GALNT1: variants seen among roughly 807,000 people sequenced by gnomAD.
GALNT1 encodes the protein polypeptide N-acetylgalactosaminyltransferase 1, also known as GalNAc transferase 1.
Under a neutral mutation model 65.7 loss-of-function variants are expected in GALNT1, and 17 were observed. The ratio of observed to expected loss-of-function variants is 0.26; its 90% confidence interval spans 0.18 to 0.39. The LOEUF (loss-of-function observed/expected upper bound fraction) is 0.39. GALNT1 is among the 10% of genes least tolerant of loss of function. The pLI, the probability that GALNT1 is intolerant of heterozygous loss-of-function variation, is 1.00. For synonymous variants in GALNT1, 210 were observed against 219.7 expected (o/e 0.96, Z 0.39); for missense variants, 460 against 672.8 (o/e 0.68, Z 3.50).
chr18:35,592,253 G>A (rs2046454159), intron 1 of GALNT1, among the ~76,000 whole-genome samples: 2 of 152,092 alleles, frequency 1.3e-5, no homozygotes, highest in South Asian at 4.2e-4. Context: ...GACTACAATG[G>A]GAACTAAACA....
At chr18:35,597,084 C>G (rs2046514416) in intron 1 of GALNT1, 1 of 152,212 alleles carries the variant, frequency 6.6e-6, no homozygotes, top group African/African-American at 2.4e-5. Context: ...GGCTAGGAAG[C>G]AGAATTGCAG....
In GALNT1 at chr18:35,663,767, A is replaced by C; in HGVS notation, c.279A>C (p.Ala93=). ...QFNLMASEMI[A]LNRSLPDVRL... is the part of the protein sequence containing the mutation. Reference sequence around the variant, plus strand: ...ATTTAATGGCAAGTGAGATGATTGCACTCAACAGATCTTTACCAGATGTTA... The same window carrying C: ...ATTTAATGGCAAGTGAGATGATTGCCCTCAACAGATCTTTACCAGATGTTA... Residue 93 remains alanine, a synonymous_variant, in exon 3 of 12, where the codon GCA becomes GCC. Transcript: ENST00000269195. The C allele has an allele frequency of 6.2e-7, 1 of 1,613,918 alleles. No homozygotes were observed. Among genetic ancestry groups the C allele is most frequent in the Non-Finnish European group, 8.5e-7 (1 of 1,179,894 alleles).
intron 6 of GALNT1, 36 bp downstream of exon 6, chr18:35,687,222 A>T (rs1249655639): frequency 6.3e-7 from 1 of 1,593,798 alleles, no homozygotes; most frequent in African/African-American, 1.3e-5. Flanking sequence ...CTAAAGTGTT[A>T]TTGGCAGAAG....
At chr18:35,680,306 G>T (rs758181141) in intron 4 of GALNT1, among the ~76,000 whole-genome samples, 1 of 152,162 alleles carries the variant, frequency 6.6e-6, no homozygotes, top group Non-Finnish European at 1.5e-5. Flanking sequence ...CAGATGTGAT[G>T]TATTTAGAGA....
chr18:35,611,175 G>A (rs57603756), intron 1 of GALNT1, among the ~76,000 whole-genome samples: 2,351 of 152,274 alleles, frequency 0.015, 29 homozygotes, highest in African/African-American at 0.027. Context: ...GCATAGAAAA[G>A]ATAAAGGTGG....
chr18:35,657,592 G>C (rs998847976), intron 2 of GALNT1, among the ~76,000 whole-genome samples: 64 of 152,190 alleles, frequency 4.2e-4, no homozygotes, highest in African/African-American at 1.5e-3. Context: ...GGCTTCCCAG[G>C]AAGTCAGAGT....
At chr18:35,638,034 C>G (rs910185651) in intron 1 of GALNT1, among the ~76,000 whole-genome samples, 4 of 152,316 alleles carry the variant, frequency 2.6e-5, no homozygotes, top group Admixed American at 2.0e-4. Flanking sequence ...AAAAAAGATT[C>G]CTTTCAAAAT....
rs189636674 is a variant in GALNT1, at chr18:35,667,538, G to A, written c.314+3736G>A. 1.4e-4 allele frequency among the ~76,000 whole-genome samples: 22 copies of A among 152,238 alleles called. No homozygotes were observed. In the East Asian group the frequency reaches 1.5e-3, roughly 11 times the overall value. On this transcript the variant is annotated intron_variant, in intron 3 of 11. Transcript: ENST00000269195. ...ATACTTTCATATCATAAAATACCCA[G>A]TTAATATTCCAACTTCCCTAGTTAT...
Position 35,683,575 on chromosome 18 carries a change from C to T in GALNT1, c.666C>T (p.Leu222=). The change falls in exon 5 of 12, where the codon CTC becomes CTT. Residue 222 remains leucine, a synonymous_variant. Coordinates refer to ENST00000269195, the MANE Select transcript of GALNT1 (RefSeq NM_020474.4). ...GTACAGTGGGATGGCTGGAGCCTCT[C>T]TTGGCCAGGATCAAACATGACAGGT... is the stretch of plus-strand genomic sequence containing the variant. ...CECTVGWLEP[L]LARIKHDRRT... is the part of the protein sequence containing the mutation. 2 of 1,613,580 alleles carry T rather than the reference C, an allele frequency of 1.2e-6. No homozygotes were observed. The highest frequency in any genetic ancestry group is 1.7e-6 in the Non-Finnish European group (2 of 1,179,662).
At chr18:35,596,314 TATC>T (rs1181075687) in intron 1 of GALNT1, 2 of 152,200 alleles carry the variant, frequency 1.3e-5, no homozygotes, top group Non-Finnish European at 2.9e-5. Flanking sequence ...GTAATAATAA[TATC>T]ATTCCTGGAA....
chr18:35,669,149 A>G (rs2047592946), intron 3 of GALNT1, among the ~76,000 whole-genome samples: 1 of 152,114 alleles, frequency 6.6e-6, no homozygotes, highest in Non-Finnish European at 1.5e-5. Flanking sequence ...GCTGAGGCAG[A>G]AGAATGGCAT....
rs1345149441 is a variant in GALNT1, at chr18:35,709,556, T to C, written c.1534-68T>C. 4.5e-6 allele frequency: 7 copies of C among 1,539,024 alleles called. No homozygotes were observed. The African/African-American group carries it at 9.7e-5, about 21-fold the overall frequency. ...ACACCTTTTCTGCAGAGGAACTTAATCACCAAAACTGATGCTTGAGGTGTT... is the reference window on the plus strand; with the variant it reads ...ACACCTTTTCTGCAGAGGAACTTAACCACCAAAACTGATGCTTGAGGTGTT... On this transcript the variant is annotated intron_variant, in intron 11 of 11. Coordinates refer to ENST00000269195, the MANE Select transcript of GALNT1 (RefSeq NM_020474.4).
At chr18:35,661,481 C>A (rs1217889442) in intron 2 of GALNT1, among the ~76,000 whole-genome samples, 1 of 148,538 alleles carries the variant, frequency 6.7e-6, no homozygotes, top group Non-Finnish European at 1.5e-5. Context: ...GTTTGGGTGA[C>A]AGAGCGAGAC....
intron 7 of GALNT1, 26 bp downstream of exon 7, chr18:35,689,316 C>A (rs776440895): frequency 7.7e-7 from 1 of 1,302,686 alleles, no homozygotes; most frequent in East Asian, 2.3e-5. Flanking sequence ...AAAATTTAAT[C>A]TTTTATTTAA....
At chr18:35,678,075 G>A (rs1385978985) in intron 4 of GALNT1, among the ~76,000 whole-genome samples, 1 of 152,156 alleles carries the variant, frequency 6.6e-6, no homozygotes, top group Non-Finnish European at 1.5e-5. Context: ...TCTGTGGGAA[G>A]CTGCAGGACT....
intron 11 of GALNT1, among the ~76,000 whole-genome samples, chr18:35,704,499 A>C (rs926497284): frequency 2.6e-5 from 4 of 151,414 alleles, no homozygotes; most frequent in African/African-American, 9.7e-5. Context: ...GTGGAGACAG[A>C]GTTTCACCAT....
intron 1 of GALNT1, among the ~76,000 whole-genome samples, chr18:35,613,876 G>A (rs66798542): frequency 0.23 from 33,982 of 149,390 alleles, 4,298 homozygotes; most frequent in African/African-American, 0.34. Context: ...AATGGTGGGG[G>A]AAAAAAAAAC....
intron 1 of GALNT1, among the ~76,000 whole-genome samples, chr18:35,647,417 G>T (rs1167318133): frequency 6.6e-6 from 1 of 151,494 alleles, no homozygotes; most frequent in African/African-American, 2.4e-5. Flanking sequence ...TTTACTGTTT[G>T]GGTGACTGAA....
chr18:35,655,590 T>G (rs1407013692), intron 2 of GALNT1, among the ~76,000 whole-genome samples: 4 of 151,844 alleles, frequency 2.6e-5, no homozygotes, highest in Non-Finnish European at 5.9e-5. Context: ...ACTCTGTGAT[T>G]AGTTATAGAA....
Sources: gnomAD v4.1 joint callset for allele counts (sites outside exome capture counted in the v4.1 genomes callset) on GRCh38, gnomAD v4.1.1 for gene constraint, MANE v1.5 for transcripts, NCBI Gene and HGNC (gene_info 2026-07-23, HGNC 2026-07-21) for gene names.